Variants in OR4X2 observed in about 807,000 individuals in gnomAD.
The protein encoded by OR4X2 is olfactory receptor 4X2.
For synonymous variants in OR4X2, 205 were observed against 136.6 expected (o/e 1.50, Z -3.49); for missense variants, 554 against 359.5 (o/e 1.54, Z -4.38).
rs1464986137 is a variant in OR4X2 at position 48,245,934 on chromosome 11, C to T, written c.831C>T (p.Val277=). Reference sequence around the variant, plus strand: ...TGATAACCGCGATCCTGAACCCTGTCATCTACTCTCTGAGAAATGCTGAAA... The same window carrying T: ...TGATAACCGCGATCCTGAACCCTGTTATCTACTCTCTGAGAAATGCTGAAA... ...YTVITAILNP[V]IYSLRNAEMR... is the part of the protein sequence containing the mutation. Residue 277 remains valine (V), a synonymous_variant, in exon 1 of 1, where the codon GTC becomes GTT. Transcript: ENST00000624868. The T allele has an allele frequency of 3.7e-6, 6 of 1,613,926 alleles. No individual in the cohort carries two copies. The African/African-American group carries it at 5.3e-5, about 14-fold the overall frequency.
chr11:48,245,277 C>A lies in OR4X2; in HGVS notation c.174C>A (p.Leu58=). ...GSPMYFFLSY[L]SFMEICYSSA... The stretch of plus-strand genomic sequence containing the variant: ...CCATGTACTTCTTCCTCAGCTACCT[C>A]TCCTTCATGGAGATCTGCTACTCCT... Residue 58 remains leucine (L), a synonymous_variant, in exon 1 of 1, where the codon CTC becomes CTA. Transcript: ENST00000624868. 1.1e-5 allele frequency: 17 copies of A among 1,614,156 alleles called. No individual in the cohort carries two copies. The highest frequency in any genetic ancestry group is 1.4e-5 in the Non-Finnish European group (17 of 1,180,022).
rs373496231 is a variant in OR4X2 at position 48,245,478 on chromosome 11, C to T, written c.375C>T (p.Thr125=). The T allele has an allele frequency of 1.4e-5, 22 of 1,614,066 alleles. No individual in the cohort carries two copies. In the African/African-American group the frequency reaches 2.7e-4, roughly 20 times the overall value. The change falls in exon 1 of 1, where the codon ACC becomes ACT. Residue 125 remains threonine, a synonymous_variant. Coordinates refer to ENST00000624868, the MANE Select transcript of OR4X2 (RefSeq NM_001004727.1). ...YVAICKPLSY[T]TIMNWQVCTV... ...CCATCTGCAAGCCCCTCAGCTACAC[C>T]ACCATCATGAACTGGCAGGTGTGTA...
Position 48,245,465 on chromosome 11 carries a change from C to T in OR4X2, c.362C>T (p.Pro121Leu). ...AYDHYVAICKPLSYTTIMNWQ... is the reference protein window; with the variant it reads ...AYDHYVAICKLLSYTTIMNWQ... The stretch of plus-strand genomic sequence containing the variant: ...GACCACTATGTGGCCATCTGCAAGC[C>T]CCTCAGCTACACCACCATCATGAAC... The change falls in exon 1 of 1, where the codon CCC becomes CTC. Residue 121 changes from proline to leucine, a missense_variant. Physicochemically the swap from Pro to Leu is moderately conservative, Grantham distance 98 (BLOSUM62 -3). Transcript: ENST00000624868. The T allele has an allele frequency of 6.2e-7, 1 of 1,614,120 alleles. No homozygotes were observed. Among genetic ancestry groups the T allele is most frequent in the South Asian group, 1.1e-5 (1 of 91,064 alleles).
Position 48,245,507 on chromosome 11 carries a change from TC to T in OR4X2, c.406del (p.Val137Ter). 6.2e-7 allele frequency: 1 copy of T among 1,614,164 alleles called. No homozygotes were observed. Among genetic ancestry groups the T allele is most frequent in the South Asian group, 1.1e-5 (1 of 91,082 alleles). On this transcript the variant is annotated frameshift_variant, in exon 1 of 1. Coordinates refer to ENST00000624868, the MANE Select transcript of OR4X2 (RefSeq NM_001004727.1). LOFTEE classifies it low-confidence loss of function (END_TRUNC). Reference protein sequence around the residue: ...TTIMNWQVCTVLVGIAWVGGF... With the variant: ...TTIMNWQVCTXLVGIAWVGGF... Reference sequence around the variant, plus strand: ...ATCATGAACTGGCAGGTGTGTACTGTCCTTGTAGGAATAGCATGGGTGGGAG... The same window carrying T: ...ATCATGAACTGGCAGGTGTGTACTGTCTTGTAGGAATAGCATGGGTGGGAG...
At position 48,245,525 on chromosome 11, in the gene OR4X2, G is replaced by T. The variant is rs766964828; in HGVS notation, c.422G>T (p.Trp141Leu). 1 of 1,614,122 alleles carries T rather than the reference G, an allele frequency of 6.2e-7. No homozygotes were observed. Among genetic ancestry groups the T allele is most frequent in the Non-Finnish European group, 8.5e-7 (1 of 1,180,020 alleles). Reference sequence around the variant, plus strand: ...TGTACTGTCCTTGTAGGAATAGCATGGGTGGGAGGCTTCATGCATTCCTTT... The same window carrying T: ...TGTACTGTCCTTGTAGGAATAGCATTGGTGGGAGGCTTCATGCATTCCTTT... Reference protein sequence around the residue: ...QVCTVLVGIAWVGGFMHSFAQ... With the variant: ...QVCTVLVGIALVGGFMHSFAQ... The change falls in exon 1 of 1, where the codon TGG becomes TTG. Residue 141 changes from tryptophan to leucine, a missense_variant. By Grantham distance (61) the Trp-to-Leu change is moderately conservative. Coordinates refer to ENST00000624868, the MANE Select transcript of OR4X2 (RefSeq NM_001004727.1).
At position 48,245,152 on chromosome 11, in the gene OR4X2, AG is replaced by A; in HGVS notation, c.52del (p.Val18PhefsTer4). The A allele has an allele frequency of 6.2e-7, 1 of 1,614,072 alleles. No individual in the cohort carries two copies. Among genetic ancestry groups the A allele is most frequent in the Non-Finnish European group, 8.5e-7 (1 of 1,179,972 alleles). On this transcript the variant is annotated frameshift_variant, in exon 1 of 1. Transcript: ENST00000624868. LOFTEE classifies it low-confidence loss of function (END_TRUNC). ...LVLSPNQEVQRVCFVIFLFLY... is the reference protein window; with the variant it reads ...LVLSPNQEVQXVCFVIFLFLY... The stretch of plus-strand genomic sequence containing the variant: ...ACTTTCTCCCAACCAGGAGGTGCAG[AG>A]GGTTTGCTTTGTGATATTTCTGTTC...
rs1322939313 is a variant in OR4X2, at chr11:48,245,253, C to A, written c.150C>A (p.Pro50=). 1 of 1,614,154 alleles carries A rather than the reference C, an allele frequency of 6.2e-7. No homozygotes were observed. The highest frequency in any genetic ancestry group is 1.1e-5 in the South Asian group (1 of 91,066). The change falls in exon 1 of 1, where the codon CCC becomes CCA. Residue 50 remains proline (P), a synonymous_variant. Coordinates refer to ENST00000624868, the MANE Select transcript of OR4X2 (RefSeq NM_001004727.1). The part of the protein sequence containing the change: ...TVMTSRSLGS[P]MYFFLSYLSF... Reference sequence around the variant, plus strand: ...TGACCAGCAGAAGCCTTGGTTCCCCCATGTACTTCTTCCTCAGCTACCTCT... The same window carrying A: ...TGACCAGCAGAAGCCTTGGTTCCCCAATGTACTTCTTCCTCAGCTACCTCT...
chr11:48,245,594 A>T lies in OR4X2; in HGVS notation c.491A>T (p.Asn164Ile). 1.2e-6 allele frequency: 2 copies of T among 1,614,048 alleles called. No individual in the cohort carries two copies. Among genetic ancestry groups the T allele is most frequent in the Non-Finnish European group, 1.7e-6 (2 of 1,180,002 alleles). Residue 164 changes from asparagine to isoleucine, a missense_variant, in exon 1 of 1, where the codon AAT (asparagine) becomes ATT (isoleucine). By Grantham distance (149) the Asn-to-Ile change is moderately radical (BLOSUM62 -3). Transcript: ENST00000624868. The stretch of plus-strand genomic sequence containing the variant: ...TTCCACCTGCTCTTCTGTGGCCCCA[A>T]TGTGATCAATCACTATTTCTGTGAC... ...LIFHLLFCGP[N>I]VINHYFCDLV...
At position 48,245,408 on chromosome 11, in the gene OR4X2, C is replaced by T. The variant is rs750006743; in HGVS notation, c.305C>T (p.Thr102Ile). The change falls in exon 1 of 1, where the codon ACT (threonine) becomes ATT (isoleucine). Residue 102 changes from threonine to isoleucine, a missense_variant. Physicochemically the swap from Thr to Ile is moderately conservative, Grantham distance 89. Transcript: ENST00000624868. ...QLFFLHFFGG[T>I]EIFLLTVMAY... ...TTCTTCTTGCACTTCTTTGGTGGCA[C>T]TGAGATTTTCCTGCTCACTGTGATG... The T allele has an allele frequency of 1.2e-6, 2 of 1,614,172 alleles. No homozygotes were observed. The highest frequency in any genetic ancestry group is 1.7e-6 in the Non-Finnish European group (2 of 1,180,024).
rs765177147 is a variant in OR4X2, at chr11:48,245,812, G to C, written c.709G>C (p.Ala237Pro). ...CCTCTCCACCTGTGGGTCCCATTTC[G>C]CTGTGGTTATCTTGTTCTTTGGGCC... ...KALSTCGSHF[A>P]VVILFFGPCV... Residue 237 changes from alanine (A) to proline (P), a missense_variant, in exon 1 of 1, where the codon GCT (alanine) becomes CCT (proline). Coordinates refer to ENST00000624868, the MANE Select transcript of OR4X2 (RefSeq NM_001004727.1). The C allele has an allele frequency of 2.6e-5, 42 of 1,613,906 alleles. No homozygotes were observed. The highest frequency in any genetic ancestry group is 3.4e-5 in the Non-Finnish European group (40 of 1,180,016).
Position 48,245,319 on chromosome 11 carries a change from A to G in OR4X2, c.216A>G (p.Lys72=). 4 of 1,612,344 alleles carry G rather than the reference A, an allele frequency of 2.5e-6. No individual in the cohort carries two copies. Among genetic ancestry groups the G allele is most frequent in the Non-Finnish European group, 2.5e-6 (3 of 1,179,508 alleles). Reference sequence around the variant, plus strand: ...GCTACTCCTCCGCTACAGCCCCCAAACTCATCTCAGATCTGCTGGCTGAAA... The same window carrying G: ...GCTACTCCTCCGCTACAGCCCCCAAGCTCATCTCAGATCTGCTGGCTGAAA... ...EICYSSATAP[K]LISDLLAERK... Residue 72 remains lysine, a synonymous_variant, in exon 1 of 1, where the codon AAA becomes AAG. Coordinates refer to ENST00000624868, the MANE Select transcript of OR4X2 (RefSeq NM_001004727.1).
Position 48,245,662 on chromosome 11 carries a change from A to C in OR4X2, c.559A>C (p.Ile187Leu), listed in dbSNP as rs1859061121. The C allele has an allele frequency of 1.2e-6, 2 of 1,613,904 alleles. No homozygotes were observed. The highest frequency in any genetic ancestry group is 1.7e-6 in the Non-Finnish European group (2 of 1,179,954). Residue 187 changes from isoleucine to leucine, a missense_variant, in exon 1 of 1, where the codon ATT (isoleucine) becomes CTT (leucine). Physicochemically the swap from Ile to Leu is conservative, Grantham distance 5. Transcript: ENST00000624868. ...ACTTGCCTGCTCTGACACCTTCCTC[A>C]TTGGTCTGCTGATTGTTGCCAATGG... is the stretch of plus-strand genomic sequence containing the variant. ...LKLACSDTFL[I>L]GLLIVANGGT...
In OR4X2 at chr11:48,246,001, C is replaced by T. The variant is rs566159469; in HGVS notation, c.898C>T (p.Leu300=). 1 of 1,612,184 alleles carries T rather than the reference C, an allele frequency of 6.2e-7. No homozygotes were observed. Among genetic ancestry groups the T allele is most frequent in the Admixed American group, 1.7e-5 (1 of 59,918 alleles). The change falls in exon 1 of 1, where the codon CTA becomes TTA. Residue 300 remains leucine, a synonymous_variant. Transcript: ENST00000624868. ...GAGGCTGTGGATTAGGACATTGAGA[C>T]TAAATGAGAAATAGAGGCTGAGTCT... ...MKRLWIRTLR[L]NEK is the part of the protein sequence containing the mutation.
Position 48,245,851 on chromosome 11 carries a change from T to C in OR4X2, c.748T>C (p.Ser250Pro). The C allele has an allele frequency of 6.2e-7, 1 of 1,614,090 alleles. No individual in the cohort carries two copies. Among genetic ancestry groups the C allele is most frequent in the South Asian group, 1.1e-5 (1 of 91,080 alleles). The change falls in exon 1 of 1, where the codon TCT becomes CCT. Residue 250 changes from serine (S) to proline (P), a missense_variant. Transcript: ENST00000624868. Reference sequence around the variant, plus strand: ...GTTCTTTGGGCCCTGCGTCTTCAACTCTCTGAGGCCTTCTACCACTCTGCC... The same window carrying C: ...GTTCTTTGGGCCCTGCGTCTTCAACCCTCTGAGGCCTTCTACCACTCTGCC... ...ILFFGPCVFN[S>P]LRPSTTLPID...
Position 48,245,392 on chromosome 11 carries a change from C to A in OR4X2, c.289C>A (p.His97Asn). Residue 97 changes from histidine (H) to asparagine (N), a missense_variant, in exon 1 of 1, where the codon CAC (histidine) becomes AAC (asparagine). Transcript: ENST00000624868. ...CTGCATGGCACAGCTTTTCTTCTTGCACTTCTTTGGTGGCACTGAGATTTT... is the reference window on the plus strand; with the variant it reads ...CTGCATGGCACAGCTTTTCTTCTTGAACTTCTTTGGTGGCACTGAGATTTT... ...WGCMAQLFFL[H>N]FFGGTEIFLL... The A allele has an allele frequency of 6.2e-7, 1 of 1,614,158 alleles. No homozygotes were observed. Among genetic ancestry groups the A allele is most frequent in the Non-Finnish European group, 8.5e-7 (1 of 1,180,030 alleles).
Position 48,245,597 on chromosome 11 carries a change from T to G in OR4X2, c.494T>G (p.Val165Gly), listed in dbSNP as rs1218908048. The change falls in exon 1 of 1, where the codon GTG becomes GGG. Residue 165 changes from valine to glycine, a missense_variant. Coordinates refer to ENST00000624868, the MANE Select transcript of OR4X2 (RefSeq NM_001004727.1). ...IFHLLFCGPN[V>G]INHYFCDLVP... ...CACCTGCTCTTCTGTGGCCCCAATG[T>G]GATCAATCACTATTTCTGTGACCTA... 6.2e-7 allele frequency: 1 copy of G among 1,614,068 alleles called. No individual in the cohort carries two copies. Among genetic ancestry groups the G allele is most frequent in the Non-Finnish European group, 8.5e-7 (1 of 1,180,046 alleles).
At position 48,245,961 on chromosome 11, in the gene OR4X2, G is replaced by T; in HGVS notation, c.858G>T (p.Met286Ile). ...PVIYSLRNAE[M>I]RKAMKRLWIR... Reference sequence around the variant, plus strand: ...TCTACTCTCTGAGAAATGCTGAAATGAGGAAGGCCATGAAGAGGCTGTGGA... The same window carrying T: ...TCTACTCTCTGAGAAATGCTGAAATTAGGAAGGCCATGAAGAGGCTGTGGA... Residue 286 changes from methionine (M) to isoleucine (I), a missense_variant, in exon 1 of 1, where the codon ATG becomes ATT. Physicochemically the swap from Met to Ile is conservative, Grantham distance 10 (BLOSUM62 1). Coordinates refer to ENST00000624868, the MANE Select transcript of OR4X2 (RefSeq NM_001004727.1). The T allele has an allele frequency of 6.2e-7, 1 of 1,614,122 alleles. No individual in the cohort carries two copies. The highest frequency in any genetic ancestry group is 8.5e-7 in the Non-Finnish European group (1 of 1,179,998).
Position 48,245,184 on chromosome 11 carries a change from C to T in OR4X2, c.81C>T (p.Tyr27=), listed in dbSNP as rs7120775. The change falls in exon 1 of 1, where the codon TAC becomes TAT. Residue 27 remains tyrosine (Y), a synonymous_variant. Coordinates refer to ENST00000624868, the MANE Select transcript of OR4X2 (RefSeq NM_001004727.1). ...RVCFVIFLFL[Y]TAIVLGNFLI... is the part of the protein sequence containing the mutation. ...GCTTTGTGATATTTCTGTTCTTGTA[C>T]ACAGCAATTGTGCTGGGGAATTTCC... 0.012 allele frequency: 18,710 copies of T among 1,613,952 alleles called. 139 individuals carry two copies. The highest frequency in any genetic ancestry group is 0.014 in the Non-Finnish European group (16,578 of 1,179,952).
rs780336520 is a variant in OR4X2 at position 48,245,501 on chromosome 11, G to C, written c.398G>C (p.Cys133Ser). ...SYTTIMNWQV[C>S]TVLVGIAWVG... Reference sequence around the variant, plus strand: ...ACCACCATCATGAACTGGCAGGTGTGTACTGTCCTTGTAGGAATAGCATGG... The same window carrying C: ...ACCACCATCATGAACTGGCAGGTGTCTACTGTCCTTGTAGGAATAGCATGG... Residue 133 changes from cysteine (C) to serine (S), a missense_variant, in exon 1 of 1, where the codon TGT (cysteine) becomes TCT (serine). By Grantham distance (112) the Cys-to-Ser change is moderately radical (BLOSUM62 -1). Coordinates refer to ENST00000624868, the MANE Select transcript of OR4X2 (RefSeq NM_001004727.1). The C allele has an allele frequency of 1.2e-6, 2 of 1,614,178 alleles. No homozygotes were observed. Among genetic ancestry groups the C allele is most frequent in the Non-Finnish European group, 1.7e-6 (2 of 1,180,030 alleles).
Sources: allele counts gnomAD v4.1 joint callset, GRCh38; gene constraint gnomAD v4.1.1; transcripts MANE v1.5; gene names NCBI Gene and HGNC (gene_info 2026-07-23, HGNC 2026-07-21).